Variants in RBFOX1 observed in about 807,000 individuals in gnomAD.
RBFOX1 encodes RNA binding fox-1 homolog 1.
RBFOX1 carries 8 observed loss-of-function variants against 57.7 expected under a neutral mutation model. The ratio of observed to expected loss-of-function variants is 0.14; its 90% CI spans 0.08 to 0.25. The LOEUF (loss-of-function observed/expected upper bound fraction) is 0.25. Among genes scored for constraint, RBFOX1 ranks in the 10% least tolerant of loss-of-function variants. The pLI is 1.00. For synonymous variants in RBFOX1, 326 were observed against 222.4 expected (o/e 1.47, Z -4.15); for missense variants, 611 against 548.5 (o/e 1.11, Z -1.14).
chr16:5,258,643 C>T (rs144732882), intron 1 of RBFOX1, among the ~76,000 whole-genome samples: 226 of 152,260 alleles, frequency 1.5e-3, no homozygotes, highest in African/African-American at 5.0e-3. Context: ...TCAGGCTAGG[C>T]GTGGTGGCTC....
rs192576971 is a variant in RBFOX1, at chr16:5,458,831, A to G, written c.220-8385A>G. Among the ~76,000 whole-genome samples the G allele has an allele frequency of 2.0e-3, 302 of 152,298 alleles. 2 individuals carry two copies. Among genetic ancestry groups the G allele is most frequent in the Middle Eastern group, 3.4e-3 (1 of 294 alleles). ...AGTATTGGTTCTTACTGAGTTCCTG[A>G]TGGGTACCAGGAATGGCCAACTCTG... On this transcript the variant is annotated intron_variant, in intron 1 of 2. Coordinates refer to the RBFOX1 transcript ENST00000585867.
intron 2 of RBFOX1, among the ~76,000 whole-genome samples, chr16:5,594,225 C>T (rs573056233): frequency 1.3e-5 from 2 of 152,254 alleles, no homozygotes; most frequent in African/African-American, 2.4e-5. Context: ...TTTTTTTCCA[C>T]CTCCTACATC....
intron 2 of RBFOX1, among the ~76,000 whole-genome samples, chr16:5,578,540 A>G (rs1596329049): frequency 1.3e-5 from 2 of 152,296 alleles, no homozygotes; most frequent in Middle Eastern, 6.8e-3. Context: ...TCAAAACACG[A>G]AAAACCACTG....
chr16:7,163,250 G>T (rs7199063), intron 4 of RBFOX1, among the ~76,000 whole-genome samples: 11 of 152,134 alleles, frequency 7.2e-5, no homozygotes, highest in African/African-American at 2.7e-4. Flanking sequence ...TGACTATTAC[G>T]TTGTTTGATT....
intron 3 of RBFOX1, among the ~76,000 whole-genome samples, chr16:5,651,431 C>T (rs1336949191): frequency 2.0e-5 from 3 of 152,110 alleles, no homozygotes; most frequent in Admixed American, 1.3e-4. Context: ...AGTGTCTCTG[C>T]TGCCACCCCA....
chr16:5,950,433 T>G (rs2059496457), intron 4 of RBFOX1, among the ~76,000 whole-genome samples: 1 of 152,206 alleles, frequency 6.6e-6, no homozygotes, highest in Non-Finnish European at 1.5e-5. Context: ...TCCACATTGG[T>G]GGGTTTCAAA....
At chr16:7,623,611 T>C (rs1280877414) in intron 10 of RBFOX1, among the ~76,000 whole-genome samples, 2 of 152,178 alleles carry the variant, frequency 1.3e-5, no homozygotes, top group African/African-American at 4.8e-5. Context: ...TCAATACACA[T>C]GAAGCTTTGC....
chr16:6,945,882 C>G (rs551964378), intron 3 of RBFOX1, among the ~76,000 whole-genome samples: 2 of 152,298 alleles, frequency 1.3e-5, no homozygotes, highest in East Asian at 1.9e-4. Flanking sequence ...CAGAGCAAGA[C>G]TCTCGTCCCC....
chr16:5,862,338 G>T (rs1407851642), intron 3 of RBFOX1, among the ~76,000 whole-genome samples: 1 of 152,176 alleles, frequency 6.6e-6, no homozygotes, highest in African/African-American at 2.4e-5. Context: ...TCATTTGCTG[G>T]TGGGGAGGGA....
intron 3 of RBFOX1, among the ~76,000 whole-genome samples, chr16:5,856,215 ATG>A (rs150530685): frequency 0.39 from 22,981 of 58,674 alleles, 4,962 homozygotes; most frequent in Non-Finnish European, 0.48. Context: ...ATACATATAT[ATG>A]TATATATATA....
chr16:7,465,837 A>G (rs1322542283), intron 4 of RBFOX1, among the ~76,000 whole-genome samples: 1 of 152,236 alleles, frequency 6.6e-6, no homozygotes, highest in Non-Finnish European at 1.5e-5. Flanking sequence ...AAGTGCTGGA[A>G]TAACTGATGT....
At chr16:7,125,355 C>T (rs780357597) in intron 4 of RBFOX1, among the ~76,000 whole-genome samples, 6 of 152,192 alleles carry the variant, frequency 3.9e-5, no homozygotes, top group Non-Finnish European at 5.9e-5. Context: ...TTTAGATCCT[C>T]AGCAGAGTGC....
At chr16:7,290,993 T>G (rs2095759425) in intron 4 of RBFOX1, among the ~76,000 whole-genome samples, 1 of 152,240 alleles carries the variant, frequency 6.6e-6, no homozygotes, top group African/African-American at 2.4e-5. Flanking sequence ...ATTCTGTGAT[T>G]ATTTATTTAA....
At chr16:5,313,243 C>G (rs760644791) in intron 1 of RBFOX1, among the ~76,000 whole-genome samples, 1 of 152,110 alleles carries the variant, frequency 6.6e-6, no homozygotes, top group African/African-American at 2.4e-5. Flanking sequence ...CCCTTAGGAC[C>G]TCTAATTCCC....
At chr16:6,105,129 A>C (rs1265836982) in intron 1 of RBFOX1, among the ~76,000 whole-genome samples, 1 of 152,230 alleles carries the variant, frequency 6.6e-6, no homozygotes, top group Non-Finnish European at 1.5e-5. Flanking sequence ...ACCATCTTAC[A>C]GCTCATCATT....
At chr16:7,206,372 A>G (rs1010447153) in intron 4 of RBFOX1, among the ~76,000 whole-genome samples, 2 of 151,932 alleles carry the variant, frequency 1.3e-5, no homozygotes, top group Non-Finnish European at 2.9e-5. Context: ...CCCCTTATAA[A>G]TACACTACAT....
intron 1 of RBFOX1, among the ~76,000 whole-genome samples, chr16:6,235,199 C>G (rs1047371972): frequency 2.0e-5 from 3 of 152,144 alleles, no homozygotes; most frequent in Non-Finnish European, 4.4e-5. Flanking sequence ...GCTCTGCTGA[C>G]CTGTCCACCT....
At chr16:6,194,637 C>T (rs1334355162) in intron 1 of RBFOX1, among the ~76,000 whole-genome samples, 1 of 152,208 alleles carries the variant, frequency 6.6e-6, no homozygotes, top group African/African-American at 2.4e-5. Flanking sequence ...GGCAGCCTTC[C>T]TCCAGGCATT....
chr16:7,514,872 A>T (rs988686136), intron 4 of RBFOX1, among the ~76,000 whole-genome samples: 8 of 152,198 alleles, frequency 5.3e-5, no homozygotes, highest in Non-Finnish European at 1.0e-4. Flanking sequence ...CTCTGCACTG[A>T]TGAAAAGCCC....
Sources: allele counts gnomAD v4.1 joint callset (sites outside exome capture counted in the v4.1 genomes callset), GRCh38; gene constraint gnomAD v4.1.1; transcripts MANE v1.5; gene names NCBI Gene and HGNC (gene_info 2026-07-23, HGNC 2026-07-21).